PPP3R1: variants seen among roughly 807,000 people sequenced by gnomAD.
PPP3R1 encodes the protein protein phosphatase 3 regulatory subunit B, alpha, also known as calcineurin subunit B type 1.
PPP3R1 carries 5 observed loss-of-function variants against 22.6 expected under a neutral mutation model. The observed-to-expected ratio is 0.22, with a 90% confidence interval of 0.12 to 0.46. PPP3R1 has a LOEUF of 0.46. Ranked by LOEUF, PPP3R1 falls within the 20% of genes least tolerant of loss-of-function variation. The pLI is 0.99. For missense variants in PPP3R1, 61 were observed against 203.2 expected (o/e 0.30, Z 4.25); for synonymous variants, 56 against 65.2 (o/e 0.86, Z 0.68).
intron 2 of PPP3R1, among the ~76,000 whole-genome samples, chr2:68,206,023 G>T (rs1372661043): frequency 1.3e-5 from 2 of 151,854 alleles, no homozygotes; most frequent in African/African-American, 4.8e-5. Context: ...TCTCCATGTT[G>T]GTCAGGCTGG....
intron 5 of PPP3R1, among the ~76,000 whole-genome samples, chr2:68,182,288 G>A (rs552631205): frequency 5.1e-4 from 78 of 151,956 alleles, no homozygotes; most frequent in Non-Finnish European, 9.1e-4. Context: ...AAGTGCCAAC[G>A]AATTCTACAA....
intron 2 of PPP3R1, among the ~76,000 whole-genome samples, chr2:68,191,651 C>T (rs1389447604): frequency 3.9e-5 from 6 of 152,276 alleles, no homozygotes; most frequent in East Asian, 3.9e-4. Flanking sequence ...TATAATCTTA[C>T]GGAACCACTG....
chr2:68,246,596 A>G (rs1172324745), intron 1 of PPP3R1, among the ~76,000 whole-genome samples: 1 of 152,148 alleles, frequency 6.6e-6, no homozygotes, highest in East Asian at 1.9e-4. Context: ...TGATCTCTGC[A>G]GTATCTATTC....
chr2:68,211,473 G>A (rs1450264113), intron 2 of PPP3R1, among the ~76,000 whole-genome samples: 7 of 150,790 alleles, frequency 4.6e-5, no homozygotes, highest in Admixed American at 2.0e-4. Flanking sequence ...TCAGTGAGTT[G>A]TAATTGTTCT....
chr2:68,249,438 A>G (rs1222890972), intron 1 of PPP3R1, among the ~76,000 whole-genome samples: 2 of 152,200 alleles, frequency 1.3e-5, no homozygotes, highest in South Asian at 2.1e-4. Context: ...AAAAAATTTA[A>G]AAGTTTAAAA....
At chr2:68,235,592 C>T (rs1209643477) in intron 1 of PPP3R1, among the ~76,000 whole-genome samples, 3 of 152,056 alleles carry the variant, frequency 2.0e-5, no homozygotes, top group Non-Finnish European at 1.5e-5. Flanking sequence ...CCATATTTAT[C>T]GATTCATCAG....
At chr2:68,244,256 A>G (rs1426092166) in intron 1 of PPP3R1, among the ~76,000 whole-genome samples, 2 of 152,152 alleles carry the variant, frequency 1.3e-5, no homozygotes, top group Non-Finnish European at 2.9e-5. Flanking sequence ...TTCTAGATTT[A>G]TTTCCTAGGT....
intron 2 of PPP3R1, among the ~76,000 whole-genome samples, chr2:68,209,469 A>T (rs554974799): frequency 2.4e-3 from 361 of 151,856 alleles, no homozygotes; most frequent in Admixed American, 4.2e-3. Flanking sequence ...AAAAAAAAAT[A>T]AAGGCCAGGT....
rs746148737 is a variant in PPP3R1 at position 68,241,510 on chromosome 2, T to C, written c.3+10615A>G. 2.8e-4 allele frequency among the ~76,000 whole-genome samples: 43 copies of C among 152,180 alleles called. 2 individuals are homozygous for C. The highest frequency in any genetic ancestry group is 2.0e-4 in the Admixed American group (3 of 15,272). ...ATAAATGGCAGAGCCAGAATCTAAA[T>C]TCAGATCTTCCCAACTCCAAATCTC... On this transcript the variant is annotated intron_variant, in intron 1 of 5. Coordinates refer to ENST00000234310, the MANE Select transcript of PPP3R1 (RefSeq NM_000945.4).
intron 1 of PPP3R1, among the ~76,000 whole-genome samples, chr2:68,219,646 A>G (rs1460702513): frequency 6.6e-6 from 1 of 152,222 alleles, no homozygotes; most frequent in Non-Finnish European, 1.5e-5. Context: ...TTAATTCTGC[A>G]GTGAATTTGT....
intron 1 of PPP3R1, among the ~76,000 whole-genome samples, chr2:68,237,874 A>C (rs535053438): frequency 6.6e-6 from 1 of 152,198 alleles, no homozygotes; most frequent in Non-Finnish European, 1.5e-5. Context: ...AAAAGGTTAC[A>C]ATAAATCAGC....
At chr2:68,214,243 C>G (rs1363743517) in intron 2 of PPP3R1, among the ~76,000 whole-genome samples, 1 of 152,088 alleles carries the variant, frequency 6.6e-6, no homozygotes, top group East Asian at 1.9e-4. Context: ...GATTTCATGA[C>G]AAAGACGCCA....
intron 2 of PPP3R1, among the ~76,000 whole-genome samples, chr2:68,199,378 C>CTA (rs372530568): frequency 2.6e-5 from 4 of 152,150 alleles, no homozygotes; most frequent in African/African-American, 9.7e-5. Context: ...TTAACATTTG[C>CTA]TATATATATA....
intron 2 of PPP3R1, among the ~76,000 whole-genome samples, chr2:68,200,542 G>A (rs1445614097): frequency 6.6e-6 from 1 of 152,214 alleles, no homozygotes; most frequent in East Asian, 1.9e-4. Context: ...AAACCTTGAA[G>A]ATGACAAACT....
chr2:68,242,539 CTGATTA>C (rs1342101767), intron 1 of PPP3R1, among the ~76,000 whole-genome samples: 2 of 152,134 alleles, frequency 1.3e-5, no homozygotes, highest in Non-Finnish European at 2.9e-5. Context: ...AAGTATTCCT[CTGATTA>C]TAAGTTCACT....
At chr2:68,237,453 T>C (rs1670039571) in intron 1 of PPP3R1, among the ~76,000 whole-genome samples, 1 of 152,160 alleles carries the variant, frequency 6.6e-6, no homozygotes, top group African/African-American at 2.4e-5. Context: ...ATCATGTTAC[T>C]TCTCATAATA....
intron 2 of PPP3R1, among the ~76,000 whole-genome samples, chr2:68,212,535 A>C (rs1669507636): frequency 1.3e-5 from 2 of 152,250 alleles, no homozygotes; most frequent in Admixed American, 6.5e-5. Flanking sequence ...ATGTCGTGTT[A>C]GCAGGCATGA....
chr2:68,246,067 CTTTTTTTTTTTTTTT>C (rs746584723), intron 1 of PPP3R1, among the ~76,000 whole-genome samples: 1 of 73,806 alleles, frequency 1.4e-5, no homozygotes, highest in East Asian at 4.2e-4. Flanking sequence ...TTCTTTCTTT[CTTTTTTTTTTTTTTT>C]TTTTTTTTTT....
At position 68,180,763 on chromosome 2, in the gene PPP3R1, T is replaced by G. The variant is rs1163152251; in HGVS notation, c.*200A>C. On this transcript the variant is annotated 3_prime_UTR_variant, in exon 6 of 6. Transcript: ENST00000234310. ...TTTCATGTTGCTGTCCTTCAGACTT[T>G]AAAGTGCTACACTGAGTTATTGAGA... The G allele has an allele frequency of 3.7e-6, 2 of 541,344 alleles. No individual in the cohort carries two copies. Among genetic ancestry groups the G allele is most frequent in the East Asian group, 6.2e-5 (2 of 32,340 alleles). 33.5% of individuals were successfully genotyped at this position (541,344 alleles called of 1,614,324 possible).
Sources: allele counts gnomAD v4.1 joint callset (sites outside exome capture counted in the v4.1 genomes callset), GRCh38; gene constraint gnomAD v4.1.1; transcripts MANE v1.5; gene names NCBI Gene and HGNC (gene_info 2026-07-23, HGNC 2026-07-21).